HOXD13: variants seen among roughly 807,000 people sequenced by gnomAD.
HOXD13 encodes homeobox protein Hox-D13.
HOXD13 carries 16 observed loss-of-function variants against 27.3 expected under a neutral mutation model. The observed-to-expected ratio is 0.59, with a 90% CI of 0.40 to 0.89. The LOEUF (loss-of-function observed/expected upper bound fraction) is 0.89. HOXD13 is among the 40% of genes least tolerant of loss of function. The probability of loss-of-function intolerance (pLI) is 0.00; values close to 1 mark genes in which losing one functional copy is unlikely to be tolerated. For missense variants in HOXD13, 481 were observed against 482.6 expected (o/e 1.00, Z 0.03); for synonymous variants, 241 against 219.0 (o/e 1.10, Z -0.89).
At chr2:176,089,308 T>C (rs968855041), upstream of HOXD13, among the ~76,000 whole-genome samples, 1 of 152,252 alleles carries the variant, frequency 6.6e-6, no homozygotes, top group Non-Finnish European at 1.5e-5. Context: ...AACACAGATT[T>C]GGTTAAGAAC....
intron 1 of HOXD13, among the ~76,000 whole-genome samples, chr2:176,093,956 C>T (rs958805675): frequency 6.6e-6 from 1 of 152,180 alleles, no homozygotes; most frequent in East Asian, 1.9e-4. Context: ...GGGCCTCTCC[C>T]TTTTCTCCTA....
chr2:176,092,341 G>C (rs1292245674), upstream of HOXD13, among the ~76,000 whole-genome samples: 2 of 152,256 alleles, frequency 1.3e-5, no homozygotes, highest in African/African-American at 2.4e-5. Flanking sequence ...GAGCCGAGGA[G>C]AGGTGGCAAA....
upstream of HOXD13, among the ~76,000 whole-genome samples, chr2:176,091,179 C>A (rs1045778833): frequency 5.3e-5 from 8 of 152,314 alleles, no homozygotes; most frequent in African/African-American, 1.9e-4. Flanking sequence ...CCAGGCCAGG[C>A]CAAGGAGGGC....
upstream of HOXD13, among the ~76,000 whole-genome samples, chr2:176,088,569 G>C (rs115632146): frequency 6.6e-6 from 1 of 151,958 alleles, no homozygotes; most frequent in South Asian, 2.1e-4. Context: ...TCCCCCCTTC[G>C]TGCTTGGGCA....
In HOXD13 at chr2:176,093,003, G is replaced by T; in HGVS notation, c.113G>T (p.Gly38Val). The part of the protein sequence containing the change: ...SSSVAAAAAS[G>V]QCRGFLSAPV... ...TCGGTGGCGGCGGCGGCGGCGTCAG[G>T]CCAGTGCCGCGGCTTTCTCTCCGCG... The change falls in exon 1 of 2, where the codon GGC (glycine) becomes GTC (valine). Residue 38 changes from glycine to valine, a missense_variant. Physicochemically the swap from Gly to Val is moderately radical, Grantham distance 109. Transcript: ENST00000392539. The T allele has an allele frequency of 7.2e-7, 1 of 1,385,262 alleles. No individual in the cohort carries two copies. Among genetic ancestry groups the T allele is most frequent in the South Asian group, 1.6e-5 (1 of 61,514 alleles). The allele number at this position is 1,385,262 out of a possible 1,614,324, so 85.8% of individuals were successfully genotyped here.
intron 1 of HOXD13, 62 bp from the exon 2 acceptor site, chr2:176,094,418 A>AC: frequency 2.1e-6 from 3 of 1,417,662 alleles, no homozygotes; most frequent in Non-Finnish European, 2.9e-6. Flanking sequence ...CACACACACA[A>AC]TCCTCAGCTA....
upstream of HOXD13, among the ~76,000 whole-genome samples, chr2:176,092,424 T>A (rs1359474680): frequency 7.0e-6 from 1 of 143,370 alleles, no homozygotes; most frequent in Non-Finnish European, 1.5e-5. Context: ...GGATGGGCCG[T>A]CGCGCAATCA....
rs759051786 is a variant in HOXD13 at position 176,094,547 on chromosome 2, C to T, written c.849C>T (p.Tyr283=). The T allele has an allele frequency of 5.6e-6, 9 of 1,613,892 alleles. No individual in the cohort carries two copies. Among genetic ancestry groups the T allele is most frequent in the Non-Finnish European group, 6.8e-6 (8 of 1,179,772 alleles). The change falls in exon 2 of 2, where the codon TAC becomes TAT. Residue 283 remains tyrosine (Y), a synonymous_variant. Coordinates refer to ENST00000392539, the MANE Select transcript of HOXD13 (RefSeq NM_000523.4). ...GAGGGAGGAAGAAGAGAGTGCCTTA[C>T]ACCAAACTGCAGCTTAAAGAACTGG... is the stretch of plus-strand genomic sequence containing the variant. ...YRRGRKKRVP[Y]TKLQLKELEN...
At chr2:176,087,800 G>T (rs1411003065), upstream of HOXD13, among the ~76,000 whole-genome samples, 1 of 152,220 alleles carries the variant, frequency 6.6e-6, no homozygotes, top group Non-Finnish European at 1.5e-5. Context: ...GACTTCCTTC[G>T]CATGGACTGA....
the HOXD13 span, among the ~76,000 whole-genome samples, chr2:176,087,669 C>T: frequency 3.9e-5 from 6 of 152,144 alleles, no homozygotes; most frequent in Admixed American, 2.6e-4. Flanking sequence ...CCTCTGTGAC[C>T]GTCAAGGCCT....
upstream of HOXD13, among the ~76,000 whole-genome samples, chr2:176,091,814 G>C (rs916088900): frequency 6.6e-6 from 1 of 152,188 alleles, no homozygotes; most frequent in East Asian, 1.9e-4. Flanking sequence ...ATGCGAGGCC[G>C]GTCGGCTGCT....
Position 176,093,456 on chromosome 2 carries a change from A to C in HOXD13, c.566A>C (p.Glu189Ala). The change falls in exon 1 of 2, where the codon GAG (glutamate) becomes GCG (alanine). Residue 189 changes from glutamate (E) to alanine (A), a missense_variant. Physicochemically the swap from Glu to Ala is moderately radical, Grantham distance 107. Transcript: ENST00000392539. ...PANEVPARAKEVSFYQGYTSP... is the reference protein window; with the variant it reads ...PANEVPARAKAVSFYQGYTSP... Reference sequence around the variant, plus strand: ...AACGAGGTGCCAGCGCGAGCCAAGGAGGTATCCTTCTACCAGGGCTATACG... The same window carrying C: ...AACGAGGTGCCAGCGCGAGCCAAGGCGGTATCCTTCTACCAGGGCTATACG... 1 of 1,614,026 alleles carries C rather than the reference A, an allele frequency of 6.2e-7. No homozygotes were observed. Among genetic ancestry groups the C allele is most frequent in the Non-Finnish European group, 8.5e-7 (1 of 1,180,026 alleles).
At chr2:176,089,117 T>C (rs923283671), upstream of HOXD13, among the ~76,000 whole-genome samples, 1 of 152,268 alleles carries the variant, frequency 6.6e-6, no homozygotes, top group Non-Finnish European at 1.5e-5. Context: ...AAACGGAATA[T>C]GTCTCAAAGG....
chr2:176,095,815 C>T lies in HOXD13; in HGVS notation c.*1085C>T, dbSNP rs1397989604. The T allele has an allele frequency of 4.7e-6, 1 of 213,256 alleles. No individual in the cohort carries two copies. Among genetic ancestry groups the T allele is most frequent in the Non-Finnish European group, 9.5e-6 (1 of 105,598 alleles). 13.2% of individuals were successfully genotyped at this position (213,256 alleles called of 1,614,324 possible). ...ACTTTTAAAGTGCTGCATATTTATA[C>T]AATTGAGAGATTATTTTTGTAAATG... On this transcript the variant is annotated 3_prime_UTR_variant, in exon 2 of 2. Transcript: ENST00000392539.
upstream of HOXD13, among the ~76,000 whole-genome samples, chr2:176,091,806 G>T (rs1340328300): frequency 1.3e-5 from 2 of 152,074 alleles, no homozygotes; most frequent in Non-Finnish European, 2.9e-5. Context: ...ACTGCAAAAT[G>T]CGAGGCCGGT....
upstream of HOXD13, among the ~76,000 whole-genome samples, chr2:176,088,545 G>A (rs1478251029): frequency 7.3e-6 from 1 of 136,084 alleles, no homozygotes; most frequent in Non-Finnish European, 1.5e-5. Flanking sequence ...CTGCCCCTCC[G>A]CCTCCCTTTC....
In HOXD13 at chr2:176,093,620, T is replaced by A; in HGVS notation, c.730T>A (p.Cys244Ser). The A allele has an allele frequency of 6.2e-7, 1 of 1,611,510 alleles. No individual in the cohort carries two copies. ...TAACGGGTGGAACAGCCAGGTGTAC[T>A]GCACCAAGGACCAGCCACAGGGGTC... ...LANGWNSQVY[C>S]TKDQPQGSHF... The change falls in exon 1 of 2, where the codon TGC becomes AGC. Residue 244 changes from cysteine (C) to serine (S), a missense_variant. By Grantham distance (112) the Cys-to-Ser change is moderately radical. Coordinates refer to ENST00000392539, the MANE Select transcript of HOXD13 (RefSeq NM_000523.4).
rs1689384379 is a variant in HOXD13, at chr2:176,094,619, G to A, written c.921G>A (p.Arg307=). ...AATTCATTAACAAGGACAAGCGGCG[G>A]CGTATCTCGGCTGCTACGAACCTAT... is the stretch of plus-strand genomic sequence containing the variant. The part of the protein sequence containing the change: ...INKFINKDKR[R]RISAATNLSE... Residue 307 remains arginine (R), a synonymous_variant, in exon 2 of 2, where the codon CGG becomes CGA. Transcript: ENST00000392539. The A allele has an allele frequency of 6.2e-7, 1 of 1,614,002 alleles. No individual in the cohort carries two copies. Among genetic ancestry groups the A allele is most frequent in the African/African-American group, 1.3e-5 (1 of 74,914 alleles).
Position 176,093,028 on chromosome 2 carries a change from G to T in HOXD13, c.138G>T (p.Ala46=), listed in dbSNP as rs1246124375. 4 of 1,383,226 alleles carry T rather than the reference G, an allele frequency of 2.9e-6. No individual in the cohort carries two copies. Among genetic ancestry groups the T allele is most frequent in the Non-Finnish European group, 3.7e-6 (4 of 1,076,698 alleles). The allele number at this position is 1,383,226 out of a possible 1,614,324, so 85.7% of individuals were successfully genotyped here. The change falls in exon 1 of 2, where the codon GCG becomes GCT. Residue 46 remains alanine (A), a synonymous_variant. Coordinates refer to ENST00000392539, the MANE Select transcript of HOXD13 (RefSeq NM_000523.4). The part of the protein sequence containing the change: ...ASGQCRGFLS[A]PVFAGTHSGR... ...GCCAGTGCCGCGGCTTTCTCTCCGC[G>T]CCTGTGTTCGCCGGGACGCATTCGG...
Sources: allele counts gnomAD v4.1 joint callset (sites outside exome capture counted in the v4.1 genomes callset), GRCh38; gene constraint gnomAD v4.1.1; transcripts MANE v1.5; gene names NCBI Gene and HGNC (gene_info 2026-07-23, HGNC 2026-07-21).